Variants in SGCZ observed in about 807,000 individuals in gnomAD.
SGCZ encodes sarcoglycan zeta, also known as zeta-sarcoglycan.
Under a neutral mutation model 41.3 loss-of-function variants are expected in SGCZ, and 40 were observed. The ratio of observed to expected loss-of-function variants is 0.97; its 90% CI spans 0.75 to 1.26. The LOEUF (loss-of-function observed/expected upper bound fraction) is 1.26. Among genes scored for constraint, SGCZ ranks in the 50% most tolerant of loss-of-function variants. SGCZ has a pLI of 0.00. For missense variants in SGCZ, 552 were observed against 369.8 expected (o/e 1.49, Z -4.04); for synonymous variants, 206 against 137.5 (o/e 1.50, Z -3.49).
intron 3 of SGCZ, chr8:14,309,794 T>A (rs1801468870): frequency 2.3e-5 from 33 of 1,455,896 alleles, no homozygotes; most frequent in Non-Finnish European, 3.0e-5. Flanking sequence ...TCCATCTAAA[T>A]GTTACTAAGG....
chr8:14,464,615 G>A (rs1800996754), intron 2 of SGCZ, among the ~76,000 whole-genome samples: 1 of 149,448 alleles, frequency 6.7e-6, no homozygotes, highest in Non-Finnish European at 1.5e-5. Flanking sequence ...TAGTCTTTAT[G>A]ATTTCTTCCC....
intron 2 of SGCZ, among the ~76,000 whole-genome samples, chr8:14,418,589 G>C (rs888804955): frequency 2.0e-5 from 3 of 151,220 alleles, no homozygotes; most frequent in African/African-American, 7.3e-5. Context: ...TCTCAGTTTG[G>C]TGTCAGTTTT....
At chr8:14,791,419 C>A (rs1446357162) in intron 1 of SGCZ, among the ~76,000 whole-genome samples, 1 of 151,784 alleles carries the variant, frequency 6.6e-6, no homozygotes, top group Non-Finnish European at 1.5e-5. Flanking sequence ...CAGCAGCTAA[C>A]TGGTATGCTG....
chr8:14,251,152 C>T (rs376895086), intron 3 of SGCZ, among the ~76,000 whole-genome samples: 1 of 152,034 alleles, frequency 6.6e-6, no homozygotes, highest in Non-Finnish European at 1.5e-5. Flanking sequence ...TGCTTGAACT[C>T]GGGAGGCAGA....
At chr8:14,111,452 A>G (rs571930492) in intron 5 of SGCZ, among the ~76,000 whole-genome samples, 3 of 152,082 alleles carry the variant, frequency 2.0e-5, no homozygotes, top group African/African-American at 7.2e-5. Context: ...GAAACAAAAA[A>G]GAAGGATAGA....
At chr8:14,278,661 A>G (rs1411026335) in intron 3 of SGCZ, among the ~76,000 whole-genome samples, 1 of 152,168 alleles carries the variant, frequency 6.6e-6, no homozygotes, top group East Asian at 1.9e-4. Flanking sequence ...ATATTCTGCC[A>G]ATGAAATTGC....
rs551119174 is a variant in SGCZ, at chr8:15,128,345, C to G, written c.39+109240G>C. On this transcript the variant is annotated intron_variant, in intron 1 of 7. Transcript: ENST00000382080. ...TTGAGATTTGGGGCCCATTTATTCT[C>G]AGCATTTTACCTCTGAGGAATGAAG... Among the ~76,000 whole-genome samples the G allele has an allele frequency of 3.3e-5, 5 of 152,332 alleles. No homozygotes were observed. The South Asian group carries it at 1.0e-3, about 32-fold the overall frequency.
chr8:14,985,516 T>C (rs1036713896), intron 1 of SGCZ, among the ~76,000 whole-genome samples: 2 of 152,142 alleles, frequency 1.3e-5, no homozygotes, highest in African/African-American at 4.8e-5. Context: ...TGCCCAGAGA[T>C]TCAGAGTCTG....
intron 2 of SGCZ, among the ~76,000 whole-genome samples, chr8:14,429,941 A>C (rs1021389333): frequency 1.4e-4 from 21 of 152,082 alleles, no homozygotes; most frequent in African/African-American, 4.8e-4. Context: ...TAATTTGTGC[A>C]CATAAAGGTA....
At chr8:14,998,414 T>C (rs1802295525) in intron 1 of SGCZ, among the ~76,000 whole-genome samples, 1 of 152,216 alleles carries the variant, frequency 6.6e-6, no homozygotes, top group South Asian at 2.1e-4. Context: ...TATATACATT[T>C]GTTACATAAG....
intron 1 of SGCZ, among the ~76,000 whole-genome samples, chr8:15,092,037 G>C (rs547089734): frequency 9.2e-5 from 14 of 152,180 alleles, no homozygotes; most frequent in African/African-American, 3.4e-4. Flanking sequence ...TATAGGATGA[G>C]GCACCGTGCC....
At chr8:14,518,115 A>G in intron 2 of SGCZ, among the ~76,000 whole-genome samples, 1 of 151,938 alleles carries the variant, frequency 6.6e-6, no homozygotes, top group Non-Finnish European at 1.5e-5. Context: ...ATTTGCTCAT[A>G]GATTTTTTCT....
At chr8:14,394,132 C>CCG (rs1412269124) in intron 2 of SGCZ, among the ~76,000 whole-genome samples, 5 of 137,724 alleles carry the variant, frequency 3.6e-5, no homozygotes, top group African/African-American at 1.7e-4. Flanking sequence ...CACTGCCCTA[C>CCG]CGCCCCCCAC....
intron 1 of SGCZ, among the ~76,000 whole-genome samples, chr8:14,699,157 G>C (rs774544192): frequency 2.0e-5 from 3 of 150,480 alleles, no homozygotes; most frequent in Non-Finnish European, 4.4e-5. Flanking sequence ...TAACAACAGA[G>C]GGTATATAAA....
chr8:15,063,406 A>T (rs1462695629), intron 1 of SGCZ, among the ~76,000 whole-genome samples: 1 of 152,166 alleles, frequency 6.6e-6, no homozygotes, highest in Non-Finnish European at 1.5e-5. Flanking sequence ...TTACATGGAG[A>T]AAAAGTTATA....
chr8:14,900,376 G>A (rs1283120666), intron 1 of SGCZ, among the ~76,000 whole-genome samples: 1 of 152,092 alleles, frequency 6.6e-6, no homozygotes, highest in African/African-American at 2.4e-5. Context: ...TCCATTGAGT[G>A]AGTGAGGCTG....
chr8:15,036,866 C>A (rs1247794017), intron 1 of SGCZ, among the ~76,000 whole-genome samples: 2 of 152,120 alleles, frequency 1.3e-5, no homozygotes, highest in Non-Finnish European at 2.9e-5. Flanking sequence ...AAGTTGAATT[C>A]ATCAGCACAT....
At chr8:14,583,304 C>T (rs1231198340) in intron 1 of SGCZ, among the ~76,000 whole-genome samples, 1 of 151,936 alleles carries the variant, frequency 6.6e-6, no homozygotes, top group Non-Finnish European at 1.5e-5. Flanking sequence ...GCATAAATGT[C>T]TTCTTTTGAG....
intron 1 of SGCZ, among the ~76,000 whole-genome samples, chr8:14,764,674 G>C (rs563073189): frequency 4.6e-4 from 70 of 152,266 alleles, no homozygotes; most frequent in African/African-American, 1.6e-3. Context: ...GATTAAAGGA[G>C]ATTAAAGACA....
Sources: gnomAD v4.1 joint callset for allele counts (sites outside exome capture counted in the v4.1 genomes callset) on GRCh38, gnomAD v4.1.1 for gene constraint, MANE v1.5 for transcripts, NCBI Gene and HGNC (gene_info 2026-07-23, HGNC 2026-07-21) for gene names.